Variants in VAPB observed in about 807,000 individuals in gnomAD.
The protein encoded by VAPB is VAMP associated protein B and C.
Under a neutral mutation model 25.6 loss-of-function variants are expected in VAPB, and 7 were observed. That is an observed-to-expected ratio of 0.27 (90% confidence interval 0.16 to 0.51). The LOEUF is 0.51. Among genes scored for constraint, VAPB ranks in the 20% least tolerant of loss-of-function variants. The pLI is 0.97. For missense variants in VAPB, 266 were observed against 301.3 expected (o/e 0.88, Z 0.87); for synonymous variants, 112 against 109.2 (o/e 1.03, Z -0.16).
intron 2 of VAPB, among the ~76,000 whole-genome samples, chr20:58,434,003 T>C (rs896348174): frequency 6.6e-6 from 1 of 152,150 alleles, no homozygotes; most frequent in Non-Finnish European, 1.5e-5. Context: ...CAGGATCCTC[T>C]GTGTGAGATT....
chr20:58,449,715 C>G lies in VAPB; in HGVS notation c.*5480C>G, dbSNP rs919120582. 26 of 453,996 alleles carry G rather than the reference C, an allele frequency of 5.7e-5. No homozygotes were observed. The highest frequency in any genetic ancestry group is 8.8e-5 in the Non-Finnish European group (20 of 226,770). The allele number at this position is 453,996 out of a possible 1,614,324, so 28.1% of individuals were successfully genotyped here. A position where few individuals can be genotyped will look rare whatever the true frequency, so the allele number is the denominator to read the frequency against. ...GGAAACATTGATCCTGTAACAATGC[C>G]CGATTACAATTGCTTTATTACACCC... On this transcript the variant is annotated 3_prime_UTR_variant, in exon 6 of 6. Transcript: ENST00000475243.
At chr20:58,395,313 A>C (rs947019952) in intron 1 of VAPB, among the ~76,000 whole-genome samples, 14 of 151,980 alleles carry the variant, frequency 9.2e-5, no homozygotes, top group Non-Finnish European at 1.8e-4. Context: ...CACCATGCCT[A>C]GCTAATTTTT....
At chr20:58,411,043 C>T (rs958138698) in intron 1 of VAPB, among the ~76,000 whole-genome samples, 1 of 152,014 alleles carries the variant, frequency 6.6e-6, no homozygotes, top group Non-Finnish European at 1.5e-5. Context: ...GGGTAAATAC[C>T]AAGGAGGGTG....
intron 1 of VAPB, among the ~76,000 whole-genome samples, chr20:58,405,613 A>AT (rs1988207507): frequency 6.7e-6 from 1 of 149,910 alleles, no homozygotes; most frequent in Non-Finnish European, 1.5e-5. Flanking sequence ...TGCCCAGCTA[A>AT]TTTTTTTATT....
rs7400 is a variant in VAPB at position 58,445,500 on chromosome 20, G to C, written c.*1265G>C. On this transcript the variant is annotated 3_prime_UTR_variant, in exon 6 of 6. Coordinates refer to ENST00000475243, the MANE Select transcript of VAPB (RefSeq NM_004738.5). ...ATAAAAGACCAACCCAGTTCTGTTT[G>C]ACTATGTAGCATCTTGAAAAGAAAA... 0.091 allele frequency: 41,530 copies of C among 454,370 alleles called. 2,469 individuals are homozygous for C. Among genetic ancestry groups the C allele is most frequent in the East Asian group, 0.26 (3,756 of 14,380 alleles). 28.1% of individuals were successfully genotyped at this position (454,370 alleles called of 1,614,324 possible).
intron 2 of VAPB, among the ~76,000 whole-genome samples, chr20:58,424,539 G>A (rs1416665522): frequency 2.6e-5 from 4 of 152,164 alleles, no homozygotes; most frequent in Non-Finnish European, 5.9e-5. Context: ...ATATAATGGG[G>A]GTTCATGTCA....
At position 58,449,611 on chromosome 20, in the gene VAPB, G is replaced by C. The variant is rs1989385952; in HGVS notation, c.*5376G>C. ...ACGATATGGATTGCTTTGATTAAAA[G>C]ATGTCAGTTGAATAAAACAGTACTG... is the stretch of plus-strand genomic sequence containing the variant. On this transcript the variant is annotated 3_prime_UTR_variant, in exon 6 of 6. Coordinates refer to ENST00000475243, the MANE Select transcript of VAPB (RefSeq NM_004738.5). 2.2e-6 allele frequency: 1 copy of C among 453,906 alleles called. No individual in the cohort carries two copies. Among genetic ancestry groups the C allele is most frequent in the Non-Finnish European group, 4.4e-6 (1 of 226,736 alleles). 28.1% of individuals were successfully genotyped at this position (453,906 alleles called of 1,614,324 possible). A position where few individuals can be genotyped will look rare whatever the true frequency, so the allele number is the denominator to read the frequency against.
chr20:58,397,331 C>G (rs541886679), intron 1 of VAPB, among the ~76,000 whole-genome samples: 47 of 151,814 alleles, frequency 3.1e-4, no homozygotes, highest in African/African-American at 1.1e-3. Context: ...ACCAGCCTGA[C>G]CAACATGGAG....
At chr20:58,389,751 C>T (rs1001547069) in intron 1 of VAPB, among the ~76,000 whole-genome samples, 3 of 152,218 alleles carry the variant, frequency 2.0e-5, no homozygotes, top group African/African-American at 4.8e-5. Context: ...CCTCCCCGAC[C>T]CCCAGCCTCC....
intron 3 of VAPB, among the ~76,000 whole-genome samples, chr20:58,435,359 A>G (rs1164413835): frequency 1.3e-5 from 2 of 152,108 alleles, no homozygotes; most frequent in African/African-American, 4.8e-5. Context: ...GTCCATTGGC[A>G]TTCTGGGGCT....
chr20:58,441,083 G>A lies in VAPB; in HGVS notation c.573G>A (p.Lys191=). The part of the protein sequence containing the change: ...QRLREENKQF[K]EEDGLRMRKT... ...TACGGGAGGAGAACAAGCAGTTCAA[G>A]GTAATAGTTTATTTTCTGGTAATCT... Residue 191 remains lysine, a splice_region_variant and synonymous_variant, in exon 5 of 6, where the codon AAG becomes AAA. Transcript: ENST00000475243. The A allele has an allele frequency of 6.2e-7, 1 of 1,613,758 alleles. No homozygotes were observed.
chr20:58,400,653 CTCT>C (rs776152365), intron 1 of VAPB, among the ~76,000 whole-genome samples: 28 of 152,276 alleles, frequency 1.8e-4, no homozygotes, highest in Middle Eastern at 3.4e-3. Flanking sequence ...AGACTACATT[CTCT>C]TCTTCTTCTT....
intron 1 of VAPB, among the ~76,000 whole-genome samples, chr20:58,396,223 A>G (rs1397215234): frequency 6.6e-6 from 1 of 152,168 alleles, no homozygotes; most frequent in African/African-American, 2.4e-5. Context: ...TTTGGTTAGC[A>G]TGTTAGTATT....
chr20:58,413,993 C>T (rs1376142617), intron 1 of VAPB, among the ~76,000 whole-genome samples: 1 of 1,662 alleles, frequency 6.0e-4, no homozygotes, highest in African/African-American at 4.7e-3. Flanking sequence ...GCTGGCCGGG[C>T]GGGGGGCTGA....
Position 58,445,664 on chromosome 20 carries a change from A to C in VAPB, c.*1429A>C, listed in dbSNP as rs916612641. 1 of 453,348 alleles carries C rather than the reference A, an allele frequency of 2.2e-6. No individual in the cohort carries two copies. The highest frequency in any genetic ancestry group is 4.4e-6 in the Non-Finnish European group (1 of 226,664). 28.1% of individuals were successfully genotyped at this position (453,348 alleles called of 1,614,324 possible). On this transcript the variant is annotated 3_prime_UTR_variant, in exon 6 of 6. Coordinates refer to ENST00000475243, the MANE Select transcript of VAPB (RefSeq NM_004738.5). The stretch of plus-strand genomic sequence containing the variant: ...AAAATGAGCCCTATCACTGAGAAAT[A>C]CGTGTTTCATGATTTAACTCTGTGT...
In VAPB at chr20:58,448,634, C is replaced by T. The variant is rs1192971914; in HGVS notation, c.*4399C>T. On this transcript the variant is annotated 3_prime_UTR_variant, in exon 6 of 6. Coordinates refer to ENST00000475243, the MANE Select transcript of VAPB (RefSeq NM_004738.5). ...AGGGAAGTGAGTGGATGAGGCCTTC[C>T]TGCCTCAGCTACTCTGCCCGTCTGT... is the stretch of plus-strand genomic sequence containing the variant. The T allele has an allele frequency of 6.6e-6, 3 of 453,946 alleles. No individual in the cohort carries two copies. The allele number at this position is 453,946 out of a possible 1,614,324, so 28.1% of individuals were successfully genotyped here.
intron 2 of VAPB, among the ~76,000 whole-genome samples, chr20:58,430,025 T>C (rs1024548887): frequency 1.3e-5 from 2 of 149,526 alleles, no homozygotes; most frequent in East Asian, 3.9e-4. Context: ...CTGGACAACA[T>C]AGCAAGACCT....
intron 2 of VAPB, among the ~76,000 whole-genome samples, chr20:58,428,559 G>A (rs571077036): frequency 6.6e-6 from 1 of 152,236 alleles, no homozygotes; most frequent in South Asian, 2.1e-4. Flanking sequence ...GGCTAAGGCG[G>A]GAGGATCACT....
intron 2 of VAPB, among the ~76,000 whole-genome samples, chr20:58,420,861 A>G (rs543660355): frequency 2.0e-5 from 3 of 152,380 alleles, no homozygotes; most frequent in Admixed American, 1.3e-4. Flanking sequence ...CTGAGGGACC[A>G]CTGCATCATT....
Sources: gnomAD v4.1 joint callset for allele counts (sites outside exome capture counted in the v4.1 genomes callset) on GRCh38, gnomAD v4.1.1 for gene constraint, MANE v1.5 for transcripts, NCBI Gene and HGNC (gene_info 2026-07-23, HGNC 2026-07-21) for gene names.